The following CUX1 variants were observed in gnomAD, a reference collection of about 807,000 sequenced individuals.
CUX1 encodes cut like homeobox 1, also known as protein CASP.
CUX1 carries 31 observed loss-of-function variants against 158.8 expected under a neutral mutation model. The observed-to-expected ratio is 0.20, with a 90% CI of 0.15 to 0.26. CUX1 has a LOEUF of 0.26. CUX1 is among the 10% of genes least tolerant of loss of function. The pLI is 1.00. For missense variants in CUX1, 1,589 were observed against 2,014.6 expected (o/e 0.79, Z 4.04); for synonymous variants, 879 against 862.1 (o/e 1.02, Z -0.34).
chr7:102,200,758 G>A (rs954784254), intron 17 of CUX1, among the ~76,000 whole-genome samples: 7 of 151,904 alleles, frequency 4.6e-5, no homozygotes, highest in Non-Finnish European at 1.0e-4. Context: ...GGTCAGGCGC[G>A]GTGGCTCACA....
chr7:102,149,801 A>C (rs1835439444), intron 8 of CUX1, among the ~76,000 whole-genome samples: 1 of 151,822 alleles, frequency 6.6e-6, no homozygotes, highest in Non-Finnish European at 1.5e-5. Flanking sequence ...GGGATTCCAG[A>C]CCTAGAGCCA....
rs1554510071 is a variant in CUX1, at chr7:102,170,460, T to C, written c.738T>C (p.Ala246=). 6.3e-7 allele frequency: 1 copy of C among 1,587,632 alleles called. No homozygotes were observed. ...ATTTCCTTCAGAGGGCAGAGGTGGC[T>C]CAGAGAGAGGCGGAGACCTTAAGGG... The part of the protein sequence containing the change: ...LERANQRAEV[A]QREAETLREQ... Residue 246 remains alanine (A), a synonymous_variant, in exon 10 of 24, where the codon GCT becomes GCC. Coordinates refer to ENST00000292535, the MANE Select transcript of CUX1 (RefSeq NM_181552.4).
At chr7:101,858,690 G>A (rs985867172) in intron 1 of CUX1, among the ~76,000 whole-genome samples, 11 of 140,002 alleles carry the variant, frequency 7.9e-5, no homozygotes, top group African/African-American at 2.2e-4. Context: ...TTTTGAGATG[G>A]CGTCTTGCTC....
intron 2 of CUX1, among the ~76,000 whole-genome samples, chr7:102,000,007 A>G (rs986649987): frequency 6.6e-6 from 1 of 152,212 alleles, no homozygotes; most frequent in Non-Finnish European, 1.5e-5. Context: ...ACCTGAGGTC[A>G]GGAGCTCAAG....
At chr7:102,092,791 CA>C (rs1168835005) in intron 4 of CUX1, among the ~76,000 whole-genome samples, 1 of 151,308 alleles carries the variant, frequency 6.6e-6, no homozygotes, top group African/African-American at 2.4e-5. Context: ...TGTGCGCCTG[CA>C]ATCTCAGATA....
chr7:102,275,617 C>T (rs1554547578), intron 17 of CUX1, among the ~76,000 whole-genome samples: 1 of 152,094 alleles, frequency 6.6e-6, no homozygotes, highest in African/African-American at 2.4e-5. Flanking sequence ...TGAAACAAGT[C>T]GCCAGGCAAG....
chr7:101,850,455 T>C (rs2970460), intron 1 of CUX1, among the ~76,000 whole-genome samples: 1 of 139,132 alleles, frequency 7.2e-6, no homozygotes, highest in African/African-American at 2.7e-5. Context: ...ACAGGGTCTC[T>C]CTTTGTTGTC....
chr7:101,990,471 G>A (rs1814957575), intron 2 of CUX1, among the ~76,000 whole-genome samples: 1 of 151,974 alleles, frequency 6.6e-6, no homozygotes, highest in Non-Finnish European at 1.5e-5. Flanking sequence ...CCGCCTCCTG[G>A]GTTCAAGCGA....
intron 3 of CUX1, among the ~76,000 whole-genome samples, chr7:102,058,526 G>T (rs1585459991): frequency 6.6e-6 from 1 of 151,910 alleles, no homozygotes; most frequent in Admixed American, 6.6e-5. Flanking sequence ...CAGGTGATCT[G>T]CCTTTCTCAG....
chr7:101,973,917 C>T (rs1280527135), intron 2 of CUX1, among the ~76,000 whole-genome samples: 1 of 150,952 alleles, frequency 6.6e-6, no homozygotes, highest in African/African-American at 2.4e-5. Context: ...TACAGGTGTC[C>T]GCCACCATGC....
intron 1 of CUX1, among the ~76,000 whole-genome samples, chr7:101,906,578 C>A (rs1378652491): frequency 1.3e-5 from 2 of 151,896 alleles, no homozygotes; most frequent in African/African-American, 4.8e-5. Flanking sequence ...GAACGCCAAG[C>A]TCACGGCGGG....
intron 7 of CUX1, 155 bp downstream of exon 7, chr7:102,111,929 C>T: frequency 1.6e-6 from 1 of 610,518 alleles, no homozygotes; most frequent in South Asian, 2.0e-5. Flanking sequence ...CGCAGCACGC[C>T]CGCCAGCTGC....
chr7:102,204,689 C>A (rs369064507), intron 19 of CUX1, 133 bp downstream of exon 19: 2 of 1,185,362 alleles, frequency 1.7e-6, no homozygotes, highest in East Asian at 5.0e-5. Context: ...CACTCCCCAC[C>A]GTGGGCTGGT....
intron 19 of CUX1, chr7:102,280,124 C>T (rs745616928): frequency 1.4e-5 from 22 of 1,601,838 alleles, no homozygotes; most frequent in Admixed American, 5.0e-5. Flanking sequence ...CAAGCGGGTT[C>T]GTGAGCCCAG....
chr7:101,937,271 G>C (rs1334733680), intron 2 of CUX1, among the ~76,000 whole-genome samples: 1 of 152,204 alleles, frequency 6.6e-6, no homozygotes, highest in Non-Finnish European at 1.5e-5. Context: ...GAGGGGCTCA[G>C]GTGGTGGAAA....
intron 2 of CUX1, among the ~76,000 whole-genome samples, chr7:102,007,347 A>T (rs148054603): frequency 5.9e-5 from 9 of 151,916 alleles, no homozygotes; most frequent in African/African-American, 1.2e-4. Context: ...TTTGCCCCTT[A>T]TAGTTTTTAG....
At chr7:102,153,071 T>G (rs1585936042) in intron 8 of CUX1, among the ~76,000 whole-genome samples, 1 of 152,224 alleles carries the variant, frequency 6.6e-6, no homozygotes, top group African/African-American at 2.4e-5. Context: ...CCCGCGTCAG[T>G]GGGACTGATT....
chr7:102,047,447 AGATGGATGGGTGATAG>A (rs1822949811), intron 3 of CUX1, among the ~76,000 whole-genome samples: 1 of 148,746 alleles, frequency 6.7e-6, no homozygotes, highest in African/African-American at 2.5e-5. Flanking sequence ...ATAAAGGGAT[AGATGGATGGGTGATAG>A]GATAGAGCTA....
intron 4 of CUX1, among the ~76,000 whole-genome samples, chr7:102,082,728 T>C (rs1301814173): frequency 1.4e-5 from 2 of 147,450 alleles, no homozygotes; most frequent in Non-Finnish European, 3.1e-5. Flanking sequence ...GTCCTACATC[T>C]GGCCTCTTTC....
Sources: gnomAD v4.1 joint callset for allele counts (sites outside exome capture counted in the v4.1 genomes callset) on GRCh38, gnomAD v4.1.1 for gene constraint, MANE v1.5 for transcripts, NCBI Gene and HGNC (gene_info 2026-07-23, HGNC 2026-07-21) for gene names.